AKAP13: variants seen among roughly 807,000 people sequenced by gnomAD.
AKAP13 encodes A-kinase anchor protein 13.
A neutral mutation model predicts 264.5 loss-of-function variants in AKAP13; 80 were observed. The ratio of observed to expected loss-of-function variants is 0.30; its 90% CI spans 0.25 to 0.36. The LOEUF is 0.36. AKAP13 is among the 10% of genes least tolerant of loss of function. AKAP13 has a pLI of 1.00. For synonymous variants in AKAP13, 1,380 were observed against 1,250.2 expected (o/e 1.10, Z -2.19); for missense variants, 3,712 against 3,435.2 (o/e 1.08, Z -2.01).
At position 85,533,785 on chromosome 15, in the gene AKAP13, A is replaced by C. The variant is rs934884307; in HGVS notation, c.383A>C (p.Asp128Ala). 35 of 1,613,846 alleles carry C rather than the reference A, an allele frequency of 2.2e-5. No homozygotes were observed. The highest frequency in any genetic ancestry group is 3.0e-5 in the Non-Finnish European group (35 of 1,179,928). The part of the protein sequence containing the change: ...FLDQSGPPSG[D>A]VNSLDKKLVL... ...GACCAGTCAGGACCCCCATCTGGGG[A>C]TGTGAATTCCCTTGATAAGAAGTTG... The change falls in exon 4 of 37, where the codon GAT becomes GCT. Residue 128 changes from aspartate (D) to alanine (A), a missense_variant. By Grantham distance (126) the Asp-to-Ala change is moderately radical (BLOSUM62 -2). Coordinates refer to ENST00000394518, the MANE Select transcript of AKAP13 (RefSeq NM_007200.5).
At chr15:85,464,779 G>A (rs2074660052) in intron 1 of AKAP13, among the ~76,000 whole-genome samples, 1 of 152,012 alleles carries the variant, frequency 6.6e-6, no homozygotes, top group Admixed American at 6.5e-5. Flanking sequence ...CTAACAATAA[G>A]GTTATGTCGG....
intron 4 of AKAP13, 109 bp downstream of exon 4, chr15:85,533,989 C>A: frequency 2.5e-6 from 3 of 1,194,986 alleles, no homozygotes; most frequent in Non-Finnish European, 3.4e-6. Flanking sequence ...TCCACAGAGG[C>A]TGCGTAAATC....
intron 5 of AKAP13, among the ~76,000 whole-genome samples, chr15:85,573,142 A>G (rs984557796): frequency 1.3e-5 from 2 of 152,224 alleles, no homozygotes; most frequent in African/African-American, 4.8e-5. Flanking sequence ...CATATTTTTC[A>G]GTGGCTAGAT....
intron 17 of AKAP13, among the ~76,000 whole-genome samples, chr15:85,697,342 G>T (rs2085622003): frequency 6.6e-6 from 1 of 152,092 alleles, no homozygotes; most frequent in Non-Finnish European, 1.5e-5. Context: ...AGGCTGAGGT[G>T]GGTGGATCAC....
intron 9 of AKAP13, among the ~76,000 whole-genome samples, chr15:85,640,815 T>C (rs1175807143): frequency 6.6e-6 from 1 of 152,050 alleles, no homozygotes; most frequent in African/African-American, 2.4e-5. Context: ...TGAATATTCA[T>C]AGGAAGGAAA....
intron 3 of AKAP13, among the ~76,000 whole-genome samples, chr15:85,521,925 A>G (rs1420521661): frequency 6.6e-6 from 1 of 152,206 alleles, no homozygotes; most frequent in Non-Finnish European, 1.5e-5. Flanking sequence ...GAGAGTCTCT[A>G]GGTATATTAT....
intron 1 of AKAP13, among the ~76,000 whole-genome samples, chr15:85,436,664 C>T (rs1324168987): frequency 6.9e-6 from 1 of 145,532 alleles, no homozygotes; most frequent in Non-Finnish European, 1.5e-5. Context: ...TTAAGAATCT[C>T]ACTCAAAGCC....
intron 1 of AKAP13, among the ~76,000 whole-genome samples, chr15:85,398,808 C>T (rs567090496): frequency 8.5e-5 from 13 of 152,244 alleles, no homozygotes; most frequent in Non-Finnish European, 1.2e-4. Flanking sequence ...CACGTGTTTC[C>T]GCCAGCCACC....
chr15:85,714,381 A>G (rs2086797202), intron 19 of AKAP13, among the ~76,000 whole-genome samples: 1 of 152,222 alleles, frequency 6.6e-6, no homozygotes, highest in African/African-American at 2.4e-5. Flanking sequence ...AAGGGGATCT[A>G]TGTAGTTCAA....
intron 17 of AKAP13, among the ~76,000 whole-genome samples, chr15:85,695,572 GAC>G (rs2085521588): frequency 6.6e-6 from 1 of 152,168 alleles, no homozygotes; most frequent in African/African-American, 2.4e-5. Context: ...CTGACTTTAT[GAC>G]ACACATTCAT....
chr15:85,730,298 G>A (rs1284312810), intron 29 of AKAP13, among the ~76,000 whole-genome samples: 1 of 152,162 alleles, frequency 6.6e-6, no homozygotes, highest in East Asian at 1.9e-4. Context: ...CAATTTCCAT[G>A]GTTTGCCAGA....
At chr15:85,662,543 T>TG in intron 12 of AKAP13, 1 of 1,458,654 alleles carries the variant, frequency 6.9e-7, no homozygotes. Context: ...TCTGTGTGGC[T>TG]GGGATGCATA....
At chr15:85,516,533 G>T (rs981037837) in intron 2 of AKAP13, among the ~76,000 whole-genome samples, 1 of 152,148 alleles carries the variant, frequency 6.6e-6, no homozygotes, top group Non-Finnish European at 1.5e-5. Flanking sequence ...ACCTGTGATG[G>T]TTTGTACTTG....
intron 5 of AKAP13, among the ~76,000 whole-genome samples, chr15:85,548,650 TTTC>T (rs1170782325): frequency 2.6e-5 from 4 of 152,186 alleles, no homozygotes; most frequent in Admixed American, 6.5e-5. Flanking sequence ...TATTTGAACA[TTTC>T]TTATATATTA....
intron 2 of AKAP13, among the ~76,000 whole-genome samples, chr15:85,517,268 C>T (rs184814980): frequency 6.6e-6 from 1 of 152,170 alleles, no homozygotes; most frequent in Non-Finnish European, 1.5e-5. Flanking sequence ...CTTCCCTGTT[C>T]AAAGCCCATT....
Position 85,580,336 on chromosome 15 carries a change from T to G in AKAP13, c.2268T>G (p.Leu756=), listed in dbSNP as rs1327733610. The stretch of plus-strand genomic sequence containing the variant: ...TAGATAAACCTTTAACAAATATGCT[T>G]GAGGTGGTTTCACATCCACATCCAG... The part of the protein sequence containing the change: ...VKLDKPLTNM[L]EVVSHPHPVV... The change falls in exon 7 of 37, where the codon CTT becomes CTG. Residue 756 remains leucine, a synonymous_variant. Transcript: ENST00000394518. The G allele has an allele frequency of 6.2e-7, 1 of 1,614,218 alleles. No individual in the cohort carries two copies. The highest frequency in any genetic ancestry group is 1.7e-5 in the Admixed American group (1 of 60,032).
chr15:85,625,228 C>G (rs552187284), intron 8 of AKAP13, among the ~76,000 whole-genome samples: 3 of 152,306 alleles, frequency 2.0e-5, no homozygotes, highest in African/African-American at 7.2e-5. Flanking sequence ...AGTTGCCAGT[C>G]CTATACTTTG....
intron 1 of AKAP13, among the ~76,000 whole-genome samples, chr15:85,470,225 G>T (rs976672319): frequency 3.9e-5 from 6 of 152,174 alleles, no homozygotes; most frequent in Non-Finnish European, 8.8e-5. Context: ...GAAGGCGGAG[G>T]TTGTAGTGAG....
rs1555434063 is a variant in AKAP13, at chr15:85,483,637, A to AC, written c.-11-2073_-11-2072insC. ...GACAGAGCGAGACTCCGTCTCAAAA[A>AC]AAAAAAAAAAAAAACACCAAAAAAT... is the stretch of plus-strand genomic sequence containing the variant. On this transcript the variant is annotated intron_variant, in intron 1 of 36. Coordinates refer to ENST00000394518, the MANE Select transcript of AKAP13 (RefSeq NM_007200.5). 1.1e-3 allele frequency among the ~76,000 whole-genome samples: 143 copies of AC among 133,010 alleles called. 1 individual carries two copies. The highest frequency in any genetic ancestry group is 7.0e-3 in the South Asian group (31 of 4,408). The allele number at this position is 133,010 out of a possible 152,430, so 87.3% of individuals were successfully genotyped here. A position where few individuals can be genotyped will look rare whatever the true frequency, so the allele number is the denominator to read the frequency against.
Sources: allele counts gnomAD v4.1 joint callset (sites outside exome capture counted in the v4.1 genomes callset), GRCh38; gene constraint gnomAD v4.1.1; transcripts MANE v1.5; gene names NCBI Gene and HGNC (gene_info 2026-07-23, HGNC 2026-07-21).